DMD: variants seen among roughly 807,000 people sequenced by gnomAD.
DMD encodes the protein mutant dystrophin.
A neutral mutation model predicts 330.1 loss-of-function variants in DMD; 63 were observed. That is an observed-to-expected ratio of 0.19 (90% CI 0.16 to 0.24). The LOEUF is 0.24. Ranked by LOEUF, DMD falls within the 10% of genes least tolerant of loss-of-function variation. The pLI, the probability that DMD is intolerant of heterozygous loss-of-function variation, is 1.00. For missense variants in DMD, 3,344 were observed against 2,684.1 expected (o/e 1.25, Z -5.43); for synonymous variants, 1,223 against 959.8 (o/e 1.27, Z -5.07).
At chrX:32,264,164 T>C (rs1437496097) in intron 43 of DMD, among the ~76,000 whole-genome samples, 1 of 110,465 alleles carries the variant, frequency 9.1e-6, no homozygotes, top group African/African-American at 3.3e-5. Flanking sequence ...CTTATGATAG[T>C]GAGCTCTCAT....
chrX:32,513,279 A>G (rs576216935), intron 18 of DMD, among the ~76,000 whole-genome samples: 1 of 112,442 alleles, frequency 8.9e-6, no homozygotes, highest in South Asian at 3.7e-4. Flanking sequence ...AGCTGATTTT[A>G]TCTTTCTCAA....
At chrX:32,927,109 A>T (rs961546905) in intron 2 of DMD, among the ~76,000 whole-genome samples, 5 of 110,950 alleles carry the variant, frequency 4.5e-5, no homozygotes, top group Admixed American at 9.6e-5. Context: ...TCGCTACATT[A>T]TTTGTATCTC....
chrX:32,600,883 G>T lies in DMD; in HGVS notation c.1483-5007C>A, dbSNP rs780665220. Among the ~76,000 whole-genome samples the T allele has an allele frequency of 1.8e-3, 204 of 110,793 alleles. 1 individual carries two copies. The highest frequency in any genetic ancestry group is 3.3e-3 in the Non-Finnish European group (174 of 52,876). ...GTTGAGTCTAACATCCAGGAAAGAA[G>T]TATCTTAAAAAAGCTGTCTCATGAA... On this transcript the variant is annotated intron_variant, in intron 12 of 78. Transcript: ENST00000357033.
At chrX:32,745,920 G>A (rs775489676) in intron 7 of DMD, among the ~76,000 whole-genome samples, 37 of 112,043 alleles carry the variant, frequency 3.3e-4, no homozygotes, top group Non-Finnish European at 3.9e-4. Context: ...AAAAGACAGC[G>A]AACAGCTAGA....
chrX:33,160,729 G>A (rs1301060030), intron 1 of DMD, among the ~76,000 whole-genome samples: 2 of 111,459 alleles, frequency 1.8e-5, no homozygotes, highest in Non-Finnish European at 1.9e-5. Context: ...TTCTCTCAAA[G>A]GGTGTTGAGT....
chrX:32,759,505 C>T (rs1210088778), intron 7 of DMD, among the ~76,000 whole-genome samples: 2 of 111,183 alleles, frequency 1.8e-5, no homozygotes, highest in Non-Finnish European at 1.9e-5. Flanking sequence ...GCACACCTGG[C>T]AACATGGGAG....
chrX:31,200,400 C>T lies in DMD; in HGVS notation c.9807+3561G>A, dbSNP rs149375804. 3.3e-3 allele frequency among the ~76,000 whole-genome samples: 366 copies of T among 111,419 alleles called. 1 individual carries two copies. The highest frequency in any genetic ancestry group is 0.011 in the African/African-American group (332 of 30,650). ...TCCACCAGCTGAGGGACTTTAAGGGCGCAAATAAATTATTCATCCACTTAA... is the reference window on the plus strand; with the variant it reads ...TCCACCAGCTGAGGGACTTTAAGGGTGCAAATAAATTATTCATCCACTTAA... On this transcript the variant is annotated intron_variant, in intron 67 of 78. Transcript: ENST00000357033.
intron 4 of DMD, among the ~76,000 whole-genome samples, chrX:32,841,431 A>C (rs904416752): frequency 4.5e-5 from 5 of 111,912 alleles, no homozygotes; most frequent in African/African-American, 1.6e-4. Context: ...GGGAGAACCT[A>C]GTTCACCAGA....
At chrX:32,238,659 T>A (rs1762985077) in intron 43 of DMD, among the ~76,000 whole-genome samples, 1 of 112,168 alleles carries the variant, frequency 8.9e-6, no homozygotes, top group Non-Finnish European at 1.9e-5. Context: ...TTTGTGAACA[T>A]AATTTCATAT....
intron 44 of DMD, among the ~76,000 whole-genome samples, chrX:32,189,836 TTTCATC>T (rs1325725984): frequency 9.9e-5 from 11 of 111,180 alleles, no homozygotes; most frequent in Non-Finnish European, 1.7e-4. Flanking sequence ...AGTAGAACCC[TTTCATC>T]TTTGGTCCCA....
At chrX:32,111,289 T>C (rs1334441075) in intron 44 of DMD, among the ~76,000 whole-genome samples, 1 of 112,199 alleles carries the variant, frequency 8.9e-6, no homozygotes, top group Non-Finnish European at 1.9e-5. Context: ...TCTTTTCGTT[T>C]CTCCGTGGCT....
chrX:31,545,074 A>C (rs909366364), intron 55 of DMD, among the ~76,000 whole-genome samples: 1 of 111,006 alleles, frequency 9.0e-6, no homozygotes, highest in African/African-American at 3.3e-5. Flanking sequence ...GGCTCTAAGG[A>C]CTCTCCCTGT....
At chrX:31,601,468 G>A (rs2077365544) in intron 55 of DMD, among the ~76,000 whole-genome samples, 1 of 111,403 alleles carries the variant, frequency 9.0e-6, no homozygotes, top group Non-Finnish European at 1.9e-5. Context: ...TTCCTAGTTC[G>A]GAATCAATTA....
At chrX:32,714,097 T>A (rs1056637405) in intron 7 of DMD, among the ~76,000 whole-genome samples, 2 of 111,769 alleles carry the variant, frequency 1.8e-5, no homozygotes, top group Non-Finnish European at 3.8e-5. Flanking sequence ...CACACTGCTT[T>A]CACACCATCA....
At chrX:32,392,540 G>T (rs2098011337) in intron 30 of DMD, among the ~76,000 whole-genome samples, 1 of 111,602 alleles carries the variant, frequency 9.0e-6, no homozygotes, top group Non-Finnish European at 1.9e-5. Flanking sequence ...GATTACAGGT[G>T]TGAGCCACCG....
At chrX:31,195,929 T>C (rs762614020) in intron 67 of DMD, among the ~76,000 whole-genome samples, 1 of 111,517 alleles carries the variant, frequency 9.0e-6, no homozygotes, top group African/African-American at 3.3e-5. Flanking sequence ...AGGATGAAGA[T>C]GGAAAACAAA....
chrX:32,556,185 T>A (rs771635047), intron 16 of DMD, among the ~76,000 whole-genome samples: 26 of 112,329 alleles, frequency 2.3e-4, no homozygotes, highest in African/African-American at 6.5e-4. Flanking sequence ...AAAGAAGACA[T>A]ACATGTGACC....
At chrX:32,331,775 G>A (rs757329558) in intron 41 of DMD, among the ~76,000 whole-genome samples, 1 of 111,586 alleles carries the variant, frequency 9.0e-6, no homozygotes, top group South Asian at 3.7e-4. Flanking sequence ...CGTGCTACTT[G>A]AAGCCAGTCA....
intron 48 of DMD, among the ~76,000 whole-genome samples, chrX:31,838,600 T>C (rs1259712819): frequency 8.9e-6 from 1 of 112,267 alleles, no homozygotes; most frequent in Non-Finnish European, 1.9e-5. Context: ...GTTATTGATA[T>C]AGCTAATTAC....
Sources: allele counts gnomAD v4.1 joint callset (sites outside exome capture counted in the v4.1 genomes callset), GRCh38; gene constraint gnomAD v4.1.1; transcripts MANE v1.5; gene names NCBI Gene and HGNC (gene_info 2026-07-23, HGNC 2026-07-21).